The following RUFY4 variants were observed in gnomAD, a reference collection of about 807,000 sequenced individuals.
RUFY4 encodes the protein RUN and FYVE domain-containing protein 4.
Under a neutral mutation model 69.0 loss-of-function variants are expected in RUFY4, and 73 were observed. The ratio of observed to expected loss-of-function variants is 1.06; its 90% CI spans 0.88 to 1.29. RUFY4 has a LOEUF of 1.29. RUFY4 is among the 50% of genes most tolerant of loss of function. RUFY4 has a pLI of 0.00. For missense variants in RUFY4, 770 were observed against 705.6 expected (o/e 1.09, Z -1.03); for synonymous variants, 287 against 271.8 (o/e 1.06, Z -0.55).
At chr2:218,070,904 G>A in intron 2 of RUFY4, 45 bp downstream of exon 4, 1 of 1,424,342 alleles carries the variant, frequency 7.0e-7, no homozygotes, top group Non-Finnish European at 9.4e-7. Context: ...CCCAGACCCA[G>A]ATAACTGGTG....
At chr2:218,086,614 C>T (rs1261971678) in intron 9 of RUFY4, among the ~76,000 whole-genome samples, 1 of 152,146 alleles carries the variant, frequency 6.6e-6, no homozygotes, top group African/African-American at 2.4e-5. Context: ...AAGACATTTT[C>T]ACATAGACAG....
At chr2:218,085,106 A>G (rs1472104568) in intron 9 of RUFY4, among the ~76,000 whole-genome samples, 2 of 152,206 alleles carry the variant, frequency 1.3e-5, no homozygotes, top group African/African-American at 4.8e-5. Flanking sequence ...CAAAACGTAT[A>G]TATCCCCAAA....
intron 2 of RUFY4, among the ~76,000 whole-genome samples, chr2:218,038,986 G>A (rs1013441351): frequency 6.6e-6 from 1 of 152,072 alleles, no homozygotes; most frequent in Non-Finnish European, 1.5e-5. Flanking sequence ...AAGAAGTCTG[G>A]GAGAGTGGGC....
intron 2 of RUFY4, among the ~76,000 whole-genome samples, chr2:218,038,801 A>G (rs1447749452): frequency 6.6e-6 from 1 of 152,150 alleles, no homozygotes; most frequent in Non-Finnish European, 1.5e-5. Context: ...TGGCCCCATG[A>G]TGGTTGCTGC....
At chr2:218,043,953 T>G (rs1574492446) in intron 2 of RUFY4, among the ~76,000 whole-genome samples, 1 of 152,220 alleles carries the variant, frequency 6.6e-6, no homozygotes. Flanking sequence ...AGGGGGCTGG[T>G]GTCCCAGTAC....
intron 2 of RUFY4, among the ~76,000 whole-genome samples, chr2:218,036,847 C>A (rs1457105550): frequency 6.6e-6 from 1 of 152,252 alleles, no homozygotes; most frequent in Non-Finnish European, 1.5e-5. Context: ...TTTGGTGAAA[C>A]TCTGTGTGGC....
At chr2:218,084,306 A>G (rs1689840282) in intron 9 of RUFY4, among the ~76,000 whole-genome samples, 1 of 151,164 alleles carries the variant, frequency 6.6e-6, no homozygotes, top group South Asian at 2.1e-4. Context: ...ATCTCAGCTC[A>G]CTGCAACCTC....
At chr2:218,072,833 G>T (rs1407997998) in exon 4 of RUFY4, 3 of 1,536,238 alleles carry the variant, frequency 2.0e-6, no homozygotes, top group Non-Finnish European at 2.6e-6. Context: ...CCTGGCCCGT[G>T]GGCAGCTGGC....
rs151133641 is a variant in RUFY4 at position 218,060,043 on chromosome 2, G to A, written c.-1071+1362G>A. 2,386 of 249,636 alleles carry A rather than the reference G, an allele frequency of 9.6e-3. 59 individuals are homozygous for A. The highest frequency in any genetic ancestry group is 0.049 in the African/African-American group (2,215 of 44,908). The allele number at this position is 249,636 out of a possible 1,614,324, so 15.5% of individuals were successfully genotyped here. A position where few individuals can be genotyped will look rare whatever the true frequency, so the allele number is the denominator to read the frequency against. On this transcript the variant is annotated intron_variant and NMD_transcript_variant, in intron 3 of 13. Transcript: ENST00000457754. The stretch of plus-strand genomic sequence containing the variant: ...ACCATCCTAATGAGTATGCAGAGCT[G>A]TCTCACTGGAGTGTAGATTTTCACT...
rs965179098 is a variant in RUFY4, at chr2:218,089,590, G to A, written c.1613+228G>A. The A allele has an allele frequency of 7.4e-6, 5 of 673,158 alleles. No homozygotes were observed. The African/African-American group carries it at 8.9e-5, about 12-fold the overall frequency. The allele number at this position is 673,158 out of a possible 1,614,324, so 41.7% of individuals were successfully genotyped here. The stretch of plus-strand genomic sequence containing the variant: ...AATGGGGTCCGGGGAGTGGGATTGG[G>A]TCCCCCTCCAAGAGCCGATTGAGAA... On this transcript the variant is annotated intron_variant, in intron 10 of 10. Transcript: ENST00000344321.
chr2:218,073,282 A>T, exon 5 of RUFY4: 1 of 1,553,690 alleles, frequency 6.4e-7, no homozygotes, highest in Non-Finnish European at 8.7e-7. Context: ...TCTGCCCAGA[A>T]CGCCAAGAAG....
At chr2:218,061,082 A>G in intron 3 of RUFY4, 1 of 587,798 alleles carries the variant, frequency 1.7e-6, no homozygotes, top group South Asian at 1.5e-5. Flanking sequence ...TGTGCCAAAA[A>G]TCCAGCCATT....
At chr2:218,079,179 T>G (rs2106063448) in intron 8 of RUFY4, among the ~76,000 whole-genome samples, 1 of 152,258 alleles carries the variant, frequency 6.6e-6, no homozygotes, top group Admixed American at 6.5e-5. Flanking sequence ...TGATGTGCGT[T>G]TTAAAGGCCC....
At chr2:218,056,558 C>T (rs1324276176) in intron 2 of RUFY4, among the ~76,000 whole-genome samples, 1 of 152,074 alleles carries the variant, frequency 6.6e-6, no homozygotes, top group Non-Finnish European at 1.5e-5. Context: ...AGATGGTTAC[C>T]CAGTGATGCT....
At chr2:218,048,073 C>T (rs1688869158) in intron 2 of RUFY4, among the ~76,000 whole-genome samples, 1 of 152,174 alleles carries the variant, frequency 6.6e-6, no homozygotes, top group South Asian at 2.1e-4. Context: ...ATTTACACTC[C>T]CAGTAACAGC....
At chr2:218,038,290 A>G (rs553435974) in intron 2 of RUFY4, among the ~76,000 whole-genome samples, 6 of 150,272 alleles carry the variant, frequency 4.0e-5, no homozygotes, top group South Asian at 2.2e-4. Flanking sequence ...ATTTGTGGAC[A>G]ATATGTCTTG....
intron 10 of RUFY4, 56 bp from the exon 13 acceptor site, chr2:218,089,896 T>C: frequency 2.4e-6 from 3 of 1,239,898 alleles, no homozygotes; most frequent in Non-Finnish European, 2.3e-6. Flanking sequence ...CAGCGCCCAC[T>C]TGGGGAAGTG....
intron 3 of RUFY4, among the ~76,000 whole-genome samples, chr2:218,062,416 A>T (rs1330959450): frequency 6.7e-6 from 1 of 149,534 alleles, no homozygotes; most frequent in Non-Finnish European, 1.5e-5. Flanking sequence ...AAAAAAAAAA[A>T]AAAAAATGAT....
intron 2 of RUFY4, among the ~76,000 whole-genome samples, chr2:218,044,475 G>A (rs1415514576): frequency 6.6e-6 from 1 of 152,060 alleles, no homozygotes; most frequent in Non-Finnish European, 1.5e-5. Context: ...ACATGTGCAG[G>A]TTTGTTATAT....
Sources: gnomAD v4.1 joint callset for allele counts (sites outside exome capture counted in the v4.1 genomes callset) on GRCh38, gnomAD v4.1.1 for gene constraint, MANE v1.5 for transcripts, NCBI Gene and HGNC (gene_info 2026-07-23, HGNC 2026-07-21) for gene names.